The following CSMD3 variants were observed in gnomAD, a reference collection of about 807,000 sequenced individuals.
CSMD3 encodes the protein CUB and Sushi multiple domains 3.
Under a neutral mutation model 435.2 loss-of-function variants are expected in CSMD3, and 177 were observed. The ratio of observed to expected loss-of-function variants is 0.41; its 90% CI spans 0.36 to 0.46. The LOEUF (loss-of-function observed/expected upper bound fraction) is 0.46. CSMD3 is among the 20% of genes least tolerant of loss of function. The probability of loss-of-function intolerance (pLI) is 0.34; values close to 1 mark genes in which losing one functional copy is unlikely to be tolerated. For missense variants in CSMD3, 4,265 were observed against 4,504.6 expected (o/e 0.95, Z 1.52); for synonymous variants, 1,656 against 1,520.5 (o/e 1.09, Z -2.07).
At chr8:113,047,137 C>T (rs1481711526) in intron 5 of CSMD3, among the ~76,000 whole-genome samples, 1 of 152,188 alleles carries the variant, frequency 6.6e-6, no homozygotes, top group Non-Finnish European at 1.5e-5. Flanking sequence ...GGGAGCTGAG[C>T]CCCGATGGAT....
chr8:113,354,587 T>C (rs1271633860), intron 1 of CSMD3, among the ~76,000 whole-genome samples: 2 of 152,178 alleles, frequency 1.3e-5, no homozygotes, highest in African/African-American at 2.4e-5. Context: ...CAATGTCAAA[T>C]GGGGATCCCC....
chr8:112,666,969 A>G (rs2075541563), intron 16 of CSMD3, among the ~76,000 whole-genome samples: 1 of 152,160 alleles, frequency 6.6e-6, no homozygotes, highest in Non-Finnish European at 1.5e-5. Context: ...CTAGACATCT[A>G]GCCCCTTTCT....
chr8:112,541,531 C>T (rs1412623049), intron 27 of CSMD3, among the ~76,000 whole-genome samples: 1 of 151,716 alleles, frequency 6.6e-6, no homozygotes, highest in South Asian at 2.1e-4. Flanking sequence ...TAGAAATATA[C>T]AGTCTACCAA....
chr8:112,533,136 A>C (rs891668747), intron 27 of CSMD3, among the ~76,000 whole-genome samples: 8 of 152,086 alleles, frequency 5.3e-5, no homozygotes, highest in African/African-American at 1.9e-4. Context: ...AAAAATAAAA[A>C]GCAAGGGATT....
chr8:113,104,129 G>A (rs2090408987), intron 4 of CSMD3, among the ~76,000 whole-genome samples: 1 of 152,002 alleles, frequency 6.6e-6, no homozygotes, highest in Non-Finnish European at 1.5e-5. Context: ...ATTAGTTTCT[G>A]CTGAAATAGC....
intron 10 of CSMD3, among the ~76,000 whole-genome samples, chr8:112,909,494 A>G (rs2082349408): frequency 6.6e-6 from 1 of 151,830 alleles, no homozygotes; most frequent in African/African-American, 2.4e-5. Context: ...ATAACATACA[A>G]AAGGAAAGGG....
At chr8:112,911,667 GTATT>G (rs2082418168) in intron 10 of CSMD3, among the ~76,000 whole-genome samples, 1 of 125,478 alleles carries the variant, frequency 8.0e-6, no homozygotes, top group Non-Finnish European at 1.6e-5. Flanking sequence ...GTGTGTGTGT[GTATT>G]TATGTGTAAT....
In CSMD3 at chr8:112,525,800, A is replaced by G. The variant is rs1824861113; in HGVS notation, c.4565-8575T>C. 3.0e-4 allele frequency among the ~76,000 whole-genome samples: 39 copies of G among 131,954 alleles called. No homozygotes were observed. The South Asian group carries it at 8.8e-3, about 30-fold the overall frequency. 86.6% of individuals were successfully genotyped at this position (131,954 alleles called of 152,430 possible). ...TATGTGTGTGTATATATATATGTAT[A>G]TATATATATACACACACATATAAAA... On this transcript the variant is annotated intron_variant, in intron 27 of 70. Transcript: ENST00000297405.
At chr8:113,308,072 T>G (rs1386404846) in intron 2 of CSMD3, among the ~76,000 whole-genome samples, 5 of 152,032 alleles carry the variant, frequency 3.3e-5, no homozygotes, top group Admixed American at 6.6e-5. Flanking sequence ...AGACTGCAAT[T>G]TTTTTAATTC....
intron 1 of CSMD3, among the ~76,000 whole-genome samples, chr8:113,429,268 C>T (rs776454771): frequency 1.3e-5 from 2 of 151,082 alleles, no homozygotes; most frequent in Admixed American, 1.3e-4. Flanking sequence ...AAAAAATATG[C>T]AGATGAAAAT....
intron 11 of CSMD3, among the ~76,000 whole-genome samples, chr8:112,839,425 A>T (rs550500403): frequency 6.6e-6 from 1 of 151,894 alleles, no homozygotes; most frequent in African/African-American, 2.4e-5. Context: ...GTACAAAACC[A>T]TTGGTTCCTT....
intron 5 of CSMD3, among the ~76,000 whole-genome samples, chr8:113,050,953 A>G (rs987917174): frequency 6.6e-6 from 1 of 152,098 alleles, no homozygotes; most frequent in Non-Finnish European, 1.5e-5. Context: ...AAGTTTCCAG[A>G]TCTAGCAACA....
intron 10 of CSMD3, among the ~76,000 whole-genome samples, chr8:112,894,839 T>A (rs2130366964): frequency 6.6e-6 from 1 of 150,456 alleles, no homozygotes; most frequent in East Asian, 2.0e-4. Flanking sequence ...TTAAAAGACA[T>A]AAAGAGAATT....
At chr8:113,247,773 T>C (rs1180389663) in intron 3 of CSMD3, among the ~76,000 whole-genome samples, 1 of 152,142 alleles carries the variant, frequency 6.6e-6, no homozygotes, top group East Asian at 1.9e-4. Flanking sequence ...AAGCAATGCA[T>C]ATTATGAATA....
intron 49 of CSMD3, 106 bp from the exon 50 acceptor site, chr8:112,311,272 T>C: frequency 1.2e-6 from 1 of 860,586 alleles, no homozygotes; most frequent in South Asian, 1.4e-5. Context: ...AGGTCAGTGG[T>C]CATCTATGTA....
At chr8:112,244,601 A>G in intron 64 of CSMD3, 28 bp from the exon 65 acceptor site, 1 of 1,602,966 alleles carries the variant, frequency 6.2e-7, no homozygotes, top group Non-Finnish European at 8.5e-7. Context: ...AACAATGTAA[A>G]TTTTCTATAG....
chr8:112,729,683 GTGTA>G (rs542122503), intron 13 of CSMD3, among the ~76,000 whole-genome samples: 125 of 152,118 alleles, frequency 8.2e-4, no homozygotes, highest in Non-Finnish European at 1.3e-3. Context: ...CAACCTGACA[GTGTA>G]CCTGCTTAAA....
chr8:113,018,215 A>G (rs952765764), intron 6 of CSMD3, among the ~76,000 whole-genome samples: 3 of 152,066 alleles, frequency 2.0e-5, no homozygotes, highest in Non-Finnish European at 4.4e-5. Context: ...TGGTTTTCAA[A>G]ATACAAATTA....
intron 1 of CSMD3, among the ~76,000 whole-genome samples, chr8:113,412,905 A>C (rs1433671303): frequency 2.6e-5 from 4 of 152,134 alleles, no homozygotes; most frequent in East Asian, 1.9e-4. Context: ...TATCTCCCAA[A>C]TACACACATA....
Sources: allele counts gnomAD v4.1 joint callset (sites outside exome capture counted in the v4.1 genomes callset), GRCh38; gene constraint gnomAD v4.1.1; transcripts MANE v1.5; gene names NCBI Gene and HGNC (gene_info 2026-07-23, HGNC 2026-07-21).